DOCK9: variants seen among roughly 807,000 people sequenced by gnomAD.
The protein encoded by DOCK9 is dedicator of cytokinesis 9.
DOCK9 carries 89 observed loss-of-function variants against 263.3 expected under a neutral mutation model. The observed-to-expected ratio is 0.34, with a 90% confidence interval of 0.28 to 0.40. DOCK9 has a LOEUF of 0.40. Ranked by LOEUF, DOCK9 falls within the 10% of genes least tolerant of loss-of-function variation. DOCK9 has a pLI of 1.00. For synonymous variants in DOCK9, 976 were observed against 973.1 expected, an observed-to-expected ratio of 1.00 and a Z score of -0.06; for missense variants, 2,140 against 2,603.4, an observed-to-expected ratio of 0.82 and a Z score of 3.87.
chr13:98,913,072 T>TA (rs1333352052), intron 9 of DOCK9, among the ~76,000 whole-genome samples: 3 of 152,306 alleles, frequency 2.0e-5, no homozygotes, highest in African/African-American at 4.8e-5. Context: ...GCTAAAAAGA[T>TA]ACTGTGGTAG....
rs2045446682 is a variant in DOCK9, at chr13:98,884,958, AAAT to A, written c.2382+10_2382+12del. 1 of 1,609,324 alleles carries A rather than the reference AAAT, an allele frequency of 6.2e-7. No homozygotes were observed. The highest frequency in any genetic ancestry group is 1.3e-5 in the African/African-American group (1 of 74,860). On this transcript the variant is annotated intron_variant, in intron 21 of 52. Transcript: ENST00000682017. The stretch of plus-strand genomic sequence containing the variant: ...AAGAAATTGGGATGACCCAATCTTA[AAAT>A]GGGACATACCCTGCCCATCCCAAGC...
Position 98,825,802 on chromosome 13 carries a change from T to A in DOCK9, c.5023+1028A>T. 1 of 1,063,686 alleles carries A rather than the reference T, an allele frequency of 9.4e-7. No individual in the cohort carries two copies. The highest frequency in any genetic ancestry group is 1.3e-6 in the Non-Finnish European group (1 of 783,390). 65.9% of individuals were successfully genotyped at this position (1,063,686 alleles called of 1,614,324 possible). A position where few individuals can be genotyped will look rare whatever the true frequency, so the allele number is the denominator to read the frequency against. ...GTCCATGCAAAGTTAAAAGGGCAAA[T>A]CCCCCACCACGGGAGGGCACGTGAC... On this transcript the variant is annotated intron_variant, in intron 44 of 52. Coordinates refer to ENST00000682017, the MANE Select transcript of DOCK9 (RefSeq NM_001366683.2). The surrounding 1 kb of genome is among the most constrained non-coding windows in gnomAD (Gnocchi z 4.1).
At chr13:99,087,668 G>A (rs553568922), upstream of DOCK9, among the ~76,000 whole-genome samples, 11 of 152,130 alleles carry the variant, frequency 7.2e-5, no homozygotes, top group African/African-American at 2.2e-4. Flanking sequence ...CCCTCACAGG[G>A]CCGCGGAGAG....
chr13:99,038,712 A>G (rs989399373), intron 1 of DOCK9, among the ~76,000 whole-genome samples: 3 of 152,186 alleles, frequency 2.0e-5, no homozygotes, highest in African/African-American at 7.2e-5. Flanking sequence ...CCCACGTGCC[A>G]CTTATGGCAT....
intron 31 of DOCK9, 49 bp from the exon 32 acceptor site, chr13:98,863,181 G>A (rs759602137): frequency 1.2e-5 from 18 of 1,538,942 alleles, no homozygotes; most frequent in East Asian, 2.3e-5. Context: ...TCTGAGAACC[G>A]AACTAAGTTG....
rs1247480479 is a variant in DOCK9 at position 98,794,303 on chromosome 13, AC to A, written c.*322del. 1 of 267,706 alleles carries A rather than the reference AC, an allele frequency of 3.7e-6. No homozygotes were observed. The highest frequency in any genetic ancestry group is 2.2e-5 in the African/African-American group (1 of 45,574). 16.6% of individuals were successfully genotyped at this position (267,706 alleles called of 1,614,324 possible). The stretch of plus-strand genomic sequence containing the variant: ...CCCTCCCTGCCATGTAGATCCCAGA[AC>A]CTTTTTTTTCTGTAGGCCATCTATT... On this transcript the variant is annotated 3_prime_UTR_variant, in exon 53 of 53. Coordinates refer to ENST00000682017, the MANE Select transcript of DOCK9 (RefSeq NM_001366683.2).
intron 37 of DOCK9, chr13:98,847,376 C>G (rs1247811380): frequency 6.6e-6 from 1 of 152,124 alleles, no homozygotes; most frequent in Non-Finnish European, 1.5e-5. Context: ...TATATACTTG[C>G]ATTTAGTACT....
intron 50 of DOCK9, among the ~76,000 whole-genome samples, chr13:98,799,918 A>T (rs2089910642): frequency 1.3e-5 from 2 of 152,230 alleles, no homozygotes; most frequent in South Asian, 4.1e-4. Context: ...TTTTGGATAC[A>T]ATTTTCATAG....
chr13:99,066,850 T>G (rs900579711), intron 1 of DOCK9, among the ~76,000 whole-genome samples: 4 of 152,216 alleles, frequency 2.6e-5, no homozygotes, highest in African/African-American at 9.6e-5. Flanking sequence ...TCTCACTGCA[T>G]GTATCTCATT....
chr13:99,060,789 G>A (rs2041153770), intron 1 of DOCK9, among the ~76,000 whole-genome samples: 1 of 152,176 alleles, frequency 6.6e-6, no homozygotes, highest in Admixed American at 6.5e-5. Flanking sequence ...GGAACTGTCT[G>A]ATCAGCTACT....
At chr13:98,872,783 C>T (rs148521308) in intron 27 of DOCK9, among the ~76,000 whole-genome samples, 1 of 152,314 alleles carries the variant, frequency 6.6e-6, no homozygotes, top group East Asian at 1.9e-4. Flanking sequence ...TGCATGTTTA[C>T]CTCACTCTCT....
chr13:98,967,272 G>A (rs138684244), intron 1 of DOCK9, among the ~76,000 whole-genome samples: 1,878 of 152,328 alleles, frequency 0.012, 12 homozygotes, highest in Non-Finnish European at 0.02. Context: ...GACAGTGCAC[G>A]AATGCACCAA....
upstream of DOCK9, among the ~76,000 whole-genome samples, chr13:98,979,224 A>C (rs974917223): frequency 1.5e-5 from 2 of 130,658 alleles, no homozygotes; most frequent in African/African-American, 5.9e-5. Context: ...TAGTAGTAGT[A>C]GTAGTAGCAG....
intron 15 of DOCK9, among the ~76,000 whole-genome samples, chr13:98,890,809 C>G (rs1014235383): frequency 6.6e-6 from 1 of 152,272 alleles, no homozygotes; most frequent in Middle Eastern, 3.4e-3. Context: ...AGACTAGAGA[C>G]GATGTTGAGA....
At chr13:98,950,309 T>C in intron 2 of DOCK9, 1 of 785,258 alleles carries the variant, frequency 1.3e-6, no homozygotes, top group Non-Finnish European at 2.1e-6. Flanking sequence ...CGCTTAAACC[T>C]GAGCTGTTTT....
chr13:98,897,086 T>TA (rs1167746543), intron 15 of DOCK9, among the ~76,000 whole-genome samples: 8 of 152,282 alleles, frequency 5.3e-5, no homozygotes, highest in Non-Finnish European at 1.2e-4. Flanking sequence ...TTATTTATCT[T>TA]AGACTATTAC....
intron 25 of DOCK9, among the ~76,000 whole-genome samples, chr13:98,880,969 C>G (rs2044656589): frequency 6.6e-6 from 1 of 152,210 alleles, no homozygotes; most frequent in African/African-American, 2.4e-5. Flanking sequence ...GACTGATACC[C>G]TAAAGGACCA....
chr13:98,966,240 A>G (rs2141232610), intron 1 of DOCK9, among the ~76,000 whole-genome samples: 1 of 152,298 alleles, frequency 6.6e-6, no homozygotes, highest in Middle Eastern at 3.4e-3. Context: ...CTCCCTTGCA[A>G]GTGCAGTGCT....
chr13:98,901,964 A>C, intron 12 of DOCK9, 64 bp from the exon 13 acceptor site: 9 of 1,575,224 alleles, frequency 5.7e-6, no homozygotes, highest in Non-Finnish European at 7.8e-6. Flanking sequence ...AATCCCATGA[A>C]CATTAAACAG....
Sources: allele counts gnomAD v4.1 joint callset (sites outside exome capture counted in the v4.1 genomes callset), GRCh38; gene constraint gnomAD v4.1.1; non-coding constraint Gnocchi (gnomAD v3.1); transcripts MANE v1.5; gene names NCBI Gene and HGNC (gene_info 2026-07-23, HGNC 2026-07-21).